The following SNX13 variants were observed in gnomAD, a reference collection of about 807,000 sequenced individuals.
SNX13 encodes sorting nexin-13.
In SNX13, 45 loss-of-function variants were observed where a neutral mutation model predicts 133.6. The ratio of observed to expected loss-of-function variants is 0.34; its 90% confidence interval spans 0.27 to 0.43. The LOEUF (loss-of-function observed/expected upper bound fraction) is 0.43. Ranked by LOEUF, SNX13 falls within the 20% of genes least tolerant of loss-of-function variation. SNX13 has a pLI of 1.00. For synonymous variants in SNX13, 414 were observed against 373.9 expected (o/e 1.11, Z -1.24); for missense variants, 1,032 against 1,145.1 (o/e 0.90, Z 1.43).
chr7:17,928,167 G>A (rs984480674), intron 1 of SNX13, among the ~76,000 whole-genome samples: 2 of 152,130 alleles, frequency 1.3e-5, no homozygotes, highest in African/African-American at 2.4e-5. Context: ...ATGAAAAGGA[G>A]CACCCTCTAA....
At chr7:17,910,952 A>T (rs1167085042) in intron 1 of SNX13, among the ~76,000 whole-genome samples, 1 of 152,212 alleles carries the variant, frequency 6.6e-6, no homozygotes, top group Non-Finnish European at 1.5e-5. Flanking sequence ...AAATGTTCTG[A>T]CACTAATTAG....
chr7:17,824,654 C>A (rs1175987289), intron 17 of SNX13, among the ~76,000 whole-genome samples: 1 of 151,694 alleles, frequency 6.6e-6, no homozygotes, highest in East Asian at 1.9e-4. Context: ...ATGGCTTACC[C>A]AACTATTAAC....
At chr7:17,862,467 C>T (rs1426927898) in intron 9 of SNX13, among the ~76,000 whole-genome samples, 1 of 152,056 alleles carries the variant, frequency 6.6e-6, no homozygotes, top group Non-Finnish European at 1.5e-5. Context: ...AAAATTACTA[C>T]CTTTCTATTA....
At chr7:17,886,809 T>C (rs986894674) in intron 5 of SNX13, among the ~76,000 whole-genome samples, 1 of 152,168 alleles carries the variant, frequency 6.6e-6, no homozygotes, top group Non-Finnish European at 1.5e-5. Flanking sequence ...TAACCCATTC[T>C]TGAAAACCAG....
chr7:17,891,437 G>T (rs1290665308), intron 4 of SNX13, 109 bp downstream of exon 4: 1 of 678,134 alleles, frequency 1.5e-6, no homozygotes, highest in African/African-American at 1.8e-5. Context: ...ATAACATTAA[G>T]AAATTCCAGG....
intron 23 of SNX13, 103 bp from the exon 24 acceptor site, chr7:17,798,861 T>A: frequency 8.2e-7 from 1 of 1,217,356 alleles, no homozygotes; most frequent in East Asian, 2.5e-5. Context: ...ATGTAAATTA[T>A]CCCTGAGAGC....
chr7:17,814,885 A>G lies in SNX13; in HGVS notation c.2013T>C (p.Asp671=). 1.3e-6 allele frequency: 2 copies of G among 1,556,634 alleles called. No individual in the cohort carries two copies. The highest frequency in any genetic ancestry group is 1.7e-6 in the Non-Finnish European group (2 of 1,157,354). The change falls in exon 20 of 26, where the codon GAT becomes GAC. Residue 671 remains aspartate, a synonymous_variant. Coordinates refer to ENST00000428135, the MANE Select transcript of SNX13 (RefSeq NM_015132.5). The part of the protein sequence containing the change: ...ASPALAHYVY[D]FLENKAYSKG... ...TACTGTAGGCTTTGTTCTCAAGGAA[A>G]TCATACACATAGTGAGCTAAAGCGG...
At chr7:17,859,704 A>AC (rs1192403877) in intron 9 of SNX13, among the ~76,000 whole-genome samples, 2 of 152,132 alleles carry the variant, frequency 1.3e-5, no homozygotes, top group Non-Finnish European at 2.9e-5. Context: ...GATCCCAGCA[A>AC]CCAACATTTT....
chr7:17,940,017 T>C (rs1402930595), intron 1 of SNX13, among the ~76,000 whole-genome samples: 1 of 151,748 alleles, frequency 6.6e-6, no homozygotes, highest in African/African-American at 2.4e-5. Flanking sequence ...TAGAAGGGAG[T>C]GACAGCAGGA....
At chr7:17,813,587 CTTT>C (rs1013139810) in intron 20 of SNX13, among the ~76,000 whole-genome samples, 15 of 138,364 alleles carry the variant, frequency 1.1e-4, no homozygotes, top group African/African-American at 1.1e-4. Context: ...ATATGAACTC[CTTT>C]TTTTTTTTTT....
chr7:17,864,829 A>AGAG (rs60186883), intron 9 of SNX13, among the ~76,000 whole-genome samples: 44 of 150,702 alleles, frequency 2.9e-4, no homozygotes, highest in Non-Finnish European at 5.6e-4. Flanking sequence ...AGGAAGAGGA[A>AGAG]GAGGAGGAGG....
At chr7:17,843,915 A>G (rs1317651797) in intron 12 of SNX13, among the ~76,000 whole-genome samples, 1 of 152,060 alleles carries the variant, frequency 6.6e-6, no homozygotes, top group East Asian at 1.9e-4. Context: ...ATATTAATTA[A>G]AACAAACATA....
intron 5 of SNX13, chr7:17,879,576 G>A (rs1389196170): frequency 6.6e-6 from 1 of 152,206 alleles, no homozygotes; most frequent in African/African-American, 2.4e-5. Context: ...AATATGTACT[G>A]AGAAGCTCTT....
At chr7:17,846,129 C>T (rs1790490777) in intron 11 of SNX13, among the ~76,000 whole-genome samples, 1 of 151,920 alleles carries the variant, frequency 6.6e-6, no homozygotes, top group African/African-American at 2.4e-5. Flanking sequence ...AATTTTGCTC[C>T]TAACTCAGTA....
intron 1 of SNX13, among the ~76,000 whole-genome samples, chr7:17,906,475 G>T (rs908556320): frequency 3.3e-4 from 50 of 151,848 alleles, no homozygotes; most frequent in African/African-American, 1.1e-3. Context: ...CAAAATTTTA[G>T]TTGATATGGT....
chr7:17,852,917 T>C lies in SNX13; in HGVS notation c.838-1953A>G, dbSNP rs373954377. On this transcript the variant is annotated intron_variant, in intron 9 of 25. Coordinates refer to ENST00000428135, the MANE Select transcript of SNX13 (RefSeq NM_015132.5). ...TACATGCATAGATACAGGTTATGAA[T>C]GTACGTGGTAACAGGATATTATGAA... Among the ~76,000 whole-genome samples, 19 of 152,348 alleles carry C rather than the reference T, an allele frequency of 1.2e-4. No individual in the cohort carries two copies. The East Asian group carries it at 2.1e-3, about 17-fold the overall frequency.
At chr7:17,803,313 GA>G (rs1327629776) in intron 21 of SNX13, 105 bp downstream of exon 21, 2 of 1,056,860 alleles carry the variant, frequency 1.9e-6, no homozygotes. Context: ...GCAATGTTTG[GA>G]AAAGAAATAA....
chr7:17,877,513 A>C (rs1391273317), intron 5 of SNX13, among the ~76,000 whole-genome samples: 1 of 152,118 alleles, frequency 6.6e-6, no homozygotes, highest in Non-Finnish European at 1.5e-5. Context: ...CATTTAATCC[A>C]TAAAAGGTTC....
intron 16 of SNX13, among the ~76,000 whole-genome samples, chr7:17,828,939 C>T (rs1788191568): frequency 6.6e-6 from 1 of 151,554 alleles, no homozygotes; most frequent in South Asian, 2.1e-4. Context: ...TTTAACACTT[C>T]CTTCAAGCTC....
Sources: gnomAD v4.1 joint callset for allele counts (sites outside exome capture counted in the v4.1 genomes callset) on GRCh38, gnomAD v4.1.1 for gene constraint, MANE v1.5 for transcripts, NCBI Gene and HGNC (gene_info 2026-07-23, HGNC 2026-07-21) for gene names.